The following KAZN variants were observed in gnomAD, a reference collection of about 807,000 sequenced individuals.
KAZN encodes kazrin.
KAZN carries 40 observed loss-of-function variants against 87.4 expected under a neutral mutation model. The observed-to-expected ratio is 0.46, with a 90% CI of 0.36 to 0.60. KAZN has a LOEUF of 0.60. Among genes scored for constraint, KAZN ranks in the 20% least tolerant of loss-of-function variants. KAZN has a pLI of 0.00. For missense variants in KAZN, 898 were observed against 1,073.9 expected, an observed-to-expected ratio of 0.84 and a Z score of 2.29; for synonymous variants, 466 against 458.3, an observed-to-expected ratio of 1.02 and a Z score of -0.22.
chr1:14,847,183 A>G (rs1648881647), intron 1 of KAZN, among the ~76,000 whole-genome samples: 1 of 152,214 alleles, frequency 6.6e-6, no homozygotes. Flanking sequence ...CAATTCCAGA[A>G]TTTGAGCTGT....
chr1:13,968,188 C>G (rs1642011965), intron 1 of KAZN, among the ~76,000 whole-genome samples: 1 of 152,152 alleles, frequency 6.6e-6, no homozygotes, highest in African/African-American at 2.4e-5. Flanking sequence ...AAGGTGCAAT[C>G]CTTTAGGGCA....
chr1:14,993,344 C>T (rs112971262), intron 2 of KAZN, among the ~76,000 whole-genome samples: 2,902 of 151,786 alleles, frequency 0.019, 84 homozygotes, highest in African/African-American at 0.067. Context: ...TGGCAGGAGC[C>T]TGTAATCCCA....
chr1:14,091,386 G>T (rs1438639300), intron 1 of KAZN, among the ~76,000 whole-genome samples: 1 of 152,086 alleles, frequency 6.6e-6, no homozygotes. Context: ...TCTGGTGCTT[G>T]TTGTTTGATG....
chr1:14,023,516 C>T (rs932013930), intron 1 of KAZN, among the ~76,000 whole-genome samples: 7 of 152,062 alleles, frequency 4.6e-5, no homozygotes, highest in Admixed American at 3.9e-4. Context: ...GTGGTCCAGG[C>T]AGGATTCAAA....
At chr1:14,436,734 A>AAAACAAAAACAAAAAC (rs35907455) in intron 2 of KAZN, among the ~76,000 whole-genome samples, 23 of 137,394 alleles carry the variant, frequency 1.7e-4, no homozygotes, top group African/African-American at 2.4e-4. Context: ...AAAAAAAAAA[A>AAAACAAAAACAAAAAC]AAAACCTTAA....
chr1:14,943,020 G>GGGGGGGGGGGGGGGGGGGGGGCC, intron 1 of KAZN, among the ~76,000 whole-genome samples: 1 of 113,032 alleles, frequency 8.8e-6, no homozygotes, highest in African/African-American at 3.3e-5. Context: ...GTGTGTGTGT[G>GGGGGGGGGGGGGGGGGGGGGGCC]TGTGTGTGTG....
chr1:14,802,564 G>A (rs997016929), intron 1 of KAZN, among the ~76,000 whole-genome samples: 1 of 152,112 alleles, frequency 6.6e-6, no homozygotes, highest in Non-Finnish European at 1.5e-5. Context: ...TATATGCACG[G>A]AACAGCCCCC....
chr1:14,547,420 A>G (rs185248641), intron 2 of KAZN, among the ~76,000 whole-genome samples: 173 of 152,382 alleles, frequency 1.1e-3, no homozygotes, highest in Admixed American at 2.4e-3. Flanking sequence ...AACTGAATTC[A>G]TCATTCCTGG....
chr1:14,849,918 G>A (rs569245947), intron 1 of KAZN, among the ~76,000 whole-genome samples: 1 of 151,466 alleles, frequency 6.6e-6, no homozygotes, highest in South Asian at 2.1e-4. Context: ...AAAGGCACTT[G>A]GGTAGATTTT....
At chr1:14,366,960 A>C (rs1327227009) in intron 2 of KAZN, among the ~76,000 whole-genome samples, 1 of 152,220 alleles carries the variant, frequency 6.6e-6, no homozygotes, top group African/African-American at 2.4e-5. Flanking sequence ...AGCCGGGCAC[A>C]GTGGCTCATG....
chr1:13,952,930 C>T (rs1314134789), intron 1 of KAZN, among the ~76,000 whole-genome samples: 6 of 152,148 alleles, frequency 3.9e-5, no homozygotes, highest in African/African-American at 1.4e-4. Context: ...TTATATGATT[C>T]TTTATTTCCT....
At chr1:14,730,873 C>G (rs17376468) in intron 1 of KAZN, among the ~76,000 whole-genome samples, 66,642 of 151,868 alleles carry the variant, frequency 0.44, 14,894 homozygotes, top group Non-Finnish European at 0.48. Context: ...TCCTCATTCT[C>G]CAAGATGGTG....
At chr1:14,355,414 AT>A (rs1476401304) in intron 2 of KAZN, among the ~76,000 whole-genome samples, 3 of 150,968 alleles carry the variant, frequency 2.0e-5, no homozygotes, top group South Asian at 2.1e-4. Context: ...TTATTTATTT[AT>A]TTATTTATTT....
chr1:13,987,277 C>T (rs1306612533), intron 1 of KAZN, among the ~76,000 whole-genome samples: 2 of 152,026 alleles, frequency 1.3e-5, no homozygotes, highest in Non-Finnish European at 2.9e-5. Flanking sequence ...AGGTTTTAAG[C>T]CCCGCATGCA....
At chr1:14,411,640 A>G (rs920745562) in intron 2 of KAZN, among the ~76,000 whole-genome samples, 1 of 152,352 alleles carries the variant, frequency 6.6e-6, no homozygotes, top group East Asian at 1.9e-4. Flanking sequence ...TTGCTGAAAG[A>G]GCTGCTTCTA....
intron 2 of KAZN, among the ~76,000 whole-genome samples, chr1:14,553,368 A>T (rs1020838758): frequency 6.6e-6 from 1 of 152,148 alleles, no homozygotes; most frequent in Non-Finnish European, 1.5e-5. Context: ...CAAAAAACAC[A>T]TATATAGATT....
chr1:15,114,216 T>C, intron 14 of KAZN: 2 of 415,742 alleles, frequency 4.8e-6, no homozygotes, highest in Non-Finnish European at 8.8e-6. Flanking sequence ...AGACTAACGA[T>C]ATTTGTCCTC....
intron 1 of KAZN, among the ~76,000 whole-genome samples, chr1:14,727,338 A>T (rs1042632664): frequency 2.7e-5 from 4 of 150,916 alleles, no homozygotes; most frequent in Non-Finnish European, 4.4e-5. Context: ...GCGGTCCCCA[A>T]CCTTCTTGGC....
chr1:15,098,702 C>G (rs1640904758), intron 10 of KAZN, among the ~76,000 whole-genome samples: 2 of 152,236 alleles, frequency 1.3e-5, no homozygotes, highest in Admixed American at 1.3e-4. Flanking sequence ...GGGACTGCCC[C>G]AGGACCTTTT....
Sources: allele counts gnomAD v4.1 joint callset (sites outside exome capture counted in the v4.1 genomes callset), GRCh38; gene constraint gnomAD v4.1.1; transcripts MANE v1.5; gene names NCBI Gene and HGNC (gene_info 2026-07-23, HGNC 2026-07-21).